Variants in UTP6 observed in about 807,000 individuals in gnomAD.
UTP6 encodes the protein U3 small nucleolar RNA-associated protein 6 homolog.
Under a neutral mutation model 96.5 loss-of-function variants are expected in UTP6, and 60 were observed. The ratio of observed to expected loss-of-function variants is 0.62; its 90% CI spans 0.51 to 0.77. The LOEUF (loss-of-function observed/expected upper bound fraction) is 0.77, where lower values mean the gene tolerates loss of function less well. Among genes scored for constraint, UTP6 ranks in the 30% least tolerant of loss-of-function variants. The probability of loss-of-function intolerance (pLI) is 0.00; values close to 1 mark genes in which losing one functional copy is unlikely to be tolerated. For missense variants in UTP6, 637 were observed against 706.5 expected, an observed-to-expected ratio of 0.90 and a Z score of 1.12; for synonymous variants, 215 against 240.1, an observed-to-expected ratio of 0.90 and a Z score of 0.96.
intron 10 of UTP6, among the ~76,000 whole-genome samples, chr17:31,882,154 C>T (rs1910881422): frequency 1.3e-5 from 2 of 152,026 alleles, no homozygotes; most frequent in South Asian, 2.1e-4. Context: ...CCTCAGCCTC[C>T]GGAGTACCTG....
chr17:31,893,065 G>A (rs376790951), intron 4 of UTP6, among the ~76,000 whole-genome samples: 3 of 152,102 alleles, frequency 2.0e-5, no homozygotes, highest in African/African-American at 7.2e-5. Flanking sequence ...GAGGTCAGGA[G>A]TTCAAAACCA....
chr17:31,864,666 A>T (rs957835467), intron 18 of UTP6, among the ~76,000 whole-genome samples: 3 of 152,200 alleles, frequency 2.0e-5, no homozygotes, highest in Admixed American at 1.3e-4. Flanking sequence ...TGTATTGCCC[A>T]GGCTGGAGTA....
rs1598098877 is a variant in UTP6, at chr17:31,873,373, AG to A, written c.1496+4del. The A allele has an allele frequency of 2.5e-6, 4 of 1,614,028 alleles. No homozygotes were observed. The East Asian group carries it at 8.9e-5, about 36-fold the overall frequency. ...CTAGTAACAACTATGAACGTCTGTG[AG>A]TACCTTTTAAACACAGCTCTGGCCT... On this transcript the variant is annotated splice_donor_region_variant and intron_variant, in intron 16 of 18. Coordinates refer to ENST00000261708, the MANE Select transcript of UTP6 (RefSeq NM_018428.3).
At chr17:31,875,534 T>TA (rs1484666985) in intron 13 of UTP6, 121 bp from the exon 14 acceptor site, 2 of 1,189,836 alleles carry the variant, frequency 1.7e-6, no homozygotes, top group Non-Finnish European at 2.3e-6. Context: ...CAATTTAAAA[T>TA]AAAAAAGAGG....
intron 16 of UTP6, 99 bp from the exon 17 acceptor site, chr17:31,868,211 T>A: frequency 9.4e-7 from 1 of 1,064,530 alleles, no homozygotes; most frequent in Non-Finnish European, 1.4e-6. Context: ...CAACACATGG[T>A]TTAATAAAGA....
rs1332895053 is a variant in UTP6, at chr17:31,861,698, AAATAC to A, written c.*1656_*1660del. 6.6e-6 allele frequency: 1 copy of A among 152,214 alleles called. No individual in the cohort carries two copies. The highest frequency in any genetic ancestry group is 2.4e-5 in the African/African-American group (1 of 41,454). The allele number at this position is 152,214 out of a possible 1,614,324, so 9.4% of individuals were successfully genotyped here. A position where few individuals can be genotyped will look rare whatever the true frequency, so the allele number is the denominator to read the frequency against. ...AGGATGTAAAAAGATGAGAAACATA[AAATAC>A]ACTAACTTCACTAATATCAAAGTAT... On this transcript the variant is annotated 3_prime_UTR_variant, in exon 19 of 19. Coordinates refer to ENST00000261708, the MANE Select transcript of UTP6 (RefSeq NM_018428.3).
Position 31,880,679 on chromosome 17 carries a change from CTG to C in UTP6, c.859_860del (p.Gln287AspfsTer27). ...VARRELEIES[Q>X]TEEQPTTKQA... ...GTTTCGTTGTAGGCTGCTCTTCTGT[CTG>C]TGACTCAATCTCTAATTCTCGCCTT... On this transcript the variant is annotated frameshift_variant, in exon 11 of 19. Transcript: ENST00000261708. LOFTEE classifies it high-confidence loss of function. 6.2e-7 allele frequency: 1 copy of C among 1,614,186 alleles called. No individual in the cohort carries two copies. The highest frequency in any genetic ancestry group is 1.1e-5 in the South Asian group (1 of 91,084).
chr17:31,872,131 G>A (rs1490219089), intron 16 of UTP6, among the ~76,000 whole-genome samples: 1 of 150,112 alleles, frequency 6.7e-6, no homozygotes, highest in Non-Finnish European at 1.5e-5. Flanking sequence ...GGAGGCAGAA[G>A]TTGCAGTGAG....
At chr17:31,878,982 G>A (rs965534950) in intron 11 of UTP6, among the ~76,000 whole-genome samples, 1 of 152,048 alleles carries the variant, frequency 6.6e-6, no homozygotes, top group Non-Finnish European at 1.5e-5. Flanking sequence ...CTCAAATATT[G>A]GGGGAAAACA....
intron 10 of UTP6, among the ~76,000 whole-genome samples, chr17:31,882,268 T>C (rs1284052105): frequency 1.3e-5 from 2 of 150,936 alleles, no homozygotes; most frequent in Non-Finnish European, 3.0e-5. Context: ...TGACCTCAGG[T>C]GATCCGCCCG....
chr17:31,889,027 G>A (rs867232063), intron 7 of UTP6, among the ~76,000 whole-genome samples: 4 of 150,192 alleles, frequency 2.7e-5, no homozygotes, highest in Non-Finnish European at 1.5e-5. Context: ...AGCCGAGACC[G>A]TGCCACTGCA....
intron 11 of UTP6, chr17:31,880,099 CT>C: frequency 5.8e-6 from 1 of 173,360 alleles, no homozygotes; most frequent in Non-Finnish European, 1.2e-5. Context: ...GAGTGAGACT[CT>C]GTCTCAAAAA....
rs1598110772 is a variant in UTP6 at position 31,886,332 on chromosome 17, A to G, written c.622-271T>C. On this transcript the variant is annotated intron_variant, in intron 8 of 18. Transcript: ENST00000261708. Reference sequence around the variant, plus strand: ...TGGACCAAAACAGGTCAGATTTTACATGTCTTGTTTGCGCTTCTCTGTAAC... The same window carrying G: ...TGGACCAAAACAGGTCAGATTTTACGTGTCTTGTTTGCGCTTCTCTGTAAC... 5.9e-5 allele frequency among the ~76,000 whole-genome samples: 9 copies of G among 152,150 alleles called. No homozygotes were observed. In the South Asian group the frequency reaches 1.9e-3, roughly 32 times the overall value.
At chr17:31,869,918 A>G (rs1362345193) in intron 16 of UTP6, among the ~76,000 whole-genome samples, 1 of 152,178 alleles carries the variant, frequency 6.6e-6, no homozygotes, top group East Asian at 1.9e-4. Context: ...AAGTGAGAAC[A>G]TGTGGTATTT....
intron 2 of UTP6, among the ~76,000 whole-genome samples, chr17:31,895,232 A>C (rs1204256448): frequency 1.3e-5 from 2 of 152,244 alleles, no homozygotes; most frequent in Non-Finnish European, 2.9e-5. Context: ...GCTTCACTTA[A>C]AAATTATTCC....
intron 11 of UTP6, 38 bp from the exon 12 acceptor site, chr17:31,878,819 T>C (rs372975504): frequency 2.6e-6 from 4 of 1,559,544 alleles, no homozygotes; most frequent in Non-Finnish European, 3.5e-6. Flanking sequence ...TCAGATCACT[T>C]AGTTCAACAT....
At chr17:31,879,645 C>T (rs1910709320) in intron 11 of UTP6, among the ~76,000 whole-genome samples, 1 of 151,924 alleles carries the variant, frequency 6.6e-6, no homozygotes, top group African/African-American at 2.4e-5. Context: ...GCACTCCAGC[C>T]TGGGTGACAC....
chr17:31,884,315 C>T, intron 10 of UTP6, 109 bp downstream of exon 10: 1 of 873,630 alleles, frequency 1.1e-6, no homozygotes. Context: ...GCTTTTATTC[C>T]AGGGATTTAG....
intron 1 of UTP6, among the ~76,000 whole-genome samples, chr17:31,900,044 T>C (rs1028761416): frequency 1.3e-5 from 2 of 151,746 alleles, no homozygotes; most frequent in African/African-American, 4.8e-5. Flanking sequence ...CTCGGGAGAC[T>C]GAGGCAGGAA....
Sources: allele counts gnomAD v4.1 joint callset (sites outside exome capture counted in the v4.1 genomes callset), GRCh38; gene constraint gnomAD v4.1.1; transcripts MANE v1.5; gene names NCBI Gene and HGNC (gene_info 2026-07-23, HGNC 2026-07-21).